The following CLASP1 variants were observed in gnomAD, a reference collection of about 807,000 sequenced individuals.
CLASP1 encodes the protein cytoplasmic linker associated protein 1.
In CLASP1, 38 loss-of-function variants were observed where a neutral mutation model predicts 192.3. The ratio of observed to expected loss-of-function variants is 0.20; its 90% CI spans 0.15 to 0.26. The LOEUF is 0.26. CLASP1 is among the 10% of genes least tolerant of loss of function. The pLI is 1.00. For missense variants in CLASP1, 1,433 were observed against 1,932.5 expected (o/e 0.74, Z 4.85); for synonymous variants, 691 against 712.8 (o/e 0.97, Z 0.49).
chr2:121,349,634 C>T (rs2063990385), intron 37 of CLASP1, among the ~76,000 whole-genome samples: 1 of 152,150 alleles, frequency 6.6e-6, no homozygotes, highest in African/African-American at 2.4e-5. Flanking sequence ...CAGAGAGAAG[C>T]CCCTGAAAGG....
intron 7 of CLASP1, among the ~76,000 whole-genome samples, chr2:121,515,130 C>T (rs1024448755): frequency 6.6e-5 from 10 of 152,182 alleles, no homozygotes; most frequent in South Asian, 2.1e-4. Flanking sequence ...ATAACAAAGT[C>T]GCATTTGTGG....
chr2:121,618,679 AAAT>A (rs1462607378), intron 1 of CLASP1, among the ~76,000 whole-genome samples: 1 of 152,068 alleles, frequency 6.6e-6, no homozygotes, highest in African/African-American at 2.4e-5. Flanking sequence ...TTTAATGCAA[AAAT>A]AATATAAAAA....
At chr2:121,395,720 C>T (rs1483573666) in intron 30 of CLASP1, among the ~76,000 whole-genome samples, 3 of 152,084 alleles carry the variant, frequency 2.0e-5, no homozygotes. Context: ...CACAGAAAAC[C>T]AGGCAGGTAT....
At chr2:121,476,034 A>G (rs1000716614) in intron 8 of CLASP1, among the ~76,000 whole-genome samples, 4 of 152,192 alleles carry the variant, frequency 2.6e-5, no homozygotes, top group Non-Finnish European at 4.4e-5. Context: ...TTTTCATCCA[A>G]CCCTGAATCA....
chr2:121,361,337 C>T (rs2066364738), intron 37 of CLASP1, among the ~76,000 whole-genome samples: 2 of 152,288 alleles, frequency 1.3e-5, no homozygotes, highest in Non-Finnish European at 1.5e-5. Flanking sequence ...ATACAAAGCA[C>T]AACAAAAAGA....
At position 121,633,028 on chromosome 2, in the gene CLASP1, A is replaced by ATATATATATATATATG. The variant is rs71398039; in HGVS notation, c.-286+16343_-286+16344insCATATATATATATATA. ...TGTGCATATATATATATATATATAT[A>ATATATATATATATATG]GGCTTTTTTTCATGAATATAATTAA... On this transcript the variant is annotated intron_variant, in intron 1 of 39. Transcript: ENST00000263710. Among the ~76,000 whole-genome samples the ATATATATATATATATG allele has an allele frequency of 7.6e-4, 104 of 137,524 alleles. 2 individuals are homozygous for ATATATATATATATATG. Among genetic ancestry groups the ATATATATATATATATG allele is most frequent in the East Asian group, 3.1e-3 (14 of 4,532 alleles). The allele number at this position is 137,524 out of a possible 152,430, so 90.2% of individuals were successfully genotyped here.
At chr2:121,606,202 C>A (rs765173072) in intron 1 of CLASP1, 22 bp from the exon 2 acceptor site, 1 of 446,712 alleles carries the variant, frequency 2.2e-6, no homozygotes, top group Non-Finnish European at 3.9e-6. Context: ...GAGAAGAGAA[C>A]GACAAATTAG....
At chr2:121,574,261 G>A (rs1264294500) in intron 2 of CLASP1, among the ~76,000 whole-genome samples, 4 of 151,290 alleles carry the variant, frequency 2.6e-5, no homozygotes, top group Admixed American at 6.6e-5. Flanking sequence ...CCAGGAGGCA[G>A]AGCTTGCAGT....
exon 20 of CLASP1, chr2:121,430,141 G>A: frequency 6.3e-7 from 1 of 1,575,548 alleles, no homozygotes; most frequent in Non-Finnish European, 8.6e-7. Context: ...GACGTTGGTG[G>A]CACTCCCAGA....
intron 2 of CLASP1, among the ~76,000 whole-genome samples, chr2:121,546,472 C>T (rs758260941): frequency 1.1e-4 from 17 of 151,872 alleles, no homozygotes; most frequent in Middle Eastern, 6.8e-3. Flanking sequence ...CCATGGAAAA[C>T]GGAGAAAAGC....
chr2:121,560,863 T>A (rs1432026362), intron 2 of CLASP1, among the ~76,000 whole-genome samples: 1 of 152,228 alleles, frequency 6.6e-6, no homozygotes, highest in Non-Finnish European at 1.5e-5. Flanking sequence ...GCCTCCCAAG[T>A]AGCCAGGATT....
Position 121,530,228 on chromosome 2 carries a change from C to A in CLASP1, c.274+19G>T. 6.5e-7 allele frequency: 1 copy of A among 1,544,964 alleles called. No individual in the cohort carries two copies. Among genetic ancestry groups the A allele is most frequent in the Non-Finnish European group, 8.8e-7 (1 of 1,142,468 alleles). ...GGGTCTGAAGGGGCCGGGTCCGCTC[C>A]ACAAGTGCCGCAGCTCACCTGTGCC... On this transcript the variant is annotated intron_variant, in intron 3 of 39. Coordinates refer to ENST00000263710, the Ensembl canonical transcript of CLASP1.
intron 2 of CLASP1, among the ~76,000 whole-genome samples, chr2:121,559,588 C>A (rs1033766633): frequency 3.9e-5 from 6 of 151,996 alleles, no homozygotes; most frequent in Non-Finnish European, 8.8e-5. Context: ...ATACCAAAGA[C>A]CACATATCGC....
intron 2 of CLASP1, among the ~76,000 whole-genome samples, chr2:121,582,716 T>C (rs1252149498): frequency 1.3e-5 from 2 of 151,990 alleles, no homozygotes; most frequent in Non-Finnish European, 2.9e-5. Flanking sequence ...TTCTGGCTGT[T>C]AAAATGCTAG....
At chr2:121,496,173 A>G (rs1473442303) in intron 8 of CLASP1, among the ~76,000 whole-genome samples, 1 of 152,222 alleles carries the variant, frequency 6.6e-6, no homozygotes, top group African/African-American at 2.4e-5. Flanking sequence ...CACAGTCACC[A>G]TTTATTAAAC....
At chr2:121,473,255 AGTTT>A (rs2091074862) in intron 8 of CLASP1, among the ~76,000 whole-genome samples, 1 of 152,226 alleles carries the variant, frequency 6.6e-6, no homozygotes, top group African/African-American at 2.4e-5. Flanking sequence ...GAAAAAAGAA[AGTTT>A]TTTTAAAGAA....
chr2:121,530,878 A>C (rs768937176), intron 2 of CLASP1: 5 of 690,620 alleles, frequency 7.2e-6, no homozygotes, highest in Non-Finnish European at 1.3e-5. Context: ...ACTTTCTATT[A>C]TAACCATCCT....
intron 8 of CLASP1, among the ~76,000 whole-genome samples, chr2:121,489,701 C>T (rs1466171737): frequency 6.6e-6 from 1 of 152,186 alleles, no homozygotes; most frequent in Non-Finnish European, 1.5e-5. Flanking sequence ...AGACTGAAAC[C>T]TAATCAAGAA....
chr2:121,400,173 T>TAGTAC (rs2075952956), intron 28 of CLASP1, among the ~76,000 whole-genome samples: 5 of 152,290 alleles, frequency 3.3e-5, no homozygotes, highest in Admixed American at 3.3e-4. Flanking sequence ...TTGAAAGCTT[T>TAGTAC]ATTGCAAATT....
Sources: gnomAD v4.1 joint callset for allele counts (sites outside exome capture counted in the v4.1 genomes callset) on GRCh38, gnomAD v4.1.1 for gene constraint, MANE v1.5 for transcripts, NCBI Gene and HGNC (gene_info 2026-07-23, HGNC 2026-07-21) for gene names.